APLF: variants seen among roughly 807,000 people sequenced by gnomAD.
The protein encoded by APLF is aprataxin and PNKP like factor, also known as aprataxin and PNK-like factor.
APLF carries 61 observed loss-of-function variants against 55.6 expected under a neutral mutation model. The observed-to-expected ratio is 1.10, with a 90% CI of 0.89 to 1.36. The LOEUF (loss-of-function observed/expected upper bound fraction) is 1.36, where lower values mean the gene tolerates loss of function less well. Among genes scored for constraint, APLF ranks in the 40% most tolerant of loss-of-function variants. The pLI, the probability that APLF is intolerant of heterozygous loss-of-function variation, is 0.00. For synonymous variants in APLF, 207 were observed against 214.8 expected (o/e 0.96, Z 0.32); for missense variants, 611 against 602.5 (o/e 1.01, Z -0.15).
chr2:68,479,185 A>G (rs752868203), intron 1 of APLF, among the ~76,000 whole-genome samples: 7 of 152,194 alleles, frequency 4.6e-5, no homozygotes, highest in Non-Finnish European at 8.8e-5. Context: ...ACAGTACTCT[A>G]TGGAAAAGAT....
chr2:68,565,156 A>T (rs781113423), intron 8 of APLF, among the ~76,000 whole-genome samples: 1 of 152,136 alleles, frequency 6.6e-6, no homozygotes, highest in Admixed American at 6.6e-5. Context: ...AAGTAACACT[A>T]GTTAAAACCT....
chr2:68,564,447 GA>G (rs1167451514), intron 8 of APLF, among the ~76,000 whole-genome samples: 1 of 152,092 alleles, frequency 6.6e-6, no homozygotes, highest in Non-Finnish European at 1.5e-5. Flanking sequence ...TTACCAGAAA[GA>G]AGAGAGATTA....
chr2:68,524,722 G>A (rs1669982988), intron 5 of APLF, among the ~76,000 whole-genome samples: 1 of 152,144 alleles, frequency 6.6e-6, no homozygotes, highest in African/African-American at 2.4e-5. Flanking sequence ...ACTTCATTTA[G>A]TCAGAAATAT....
chr2:68,551,116 A>G (rs547684046), intron 8 of APLF, among the ~76,000 whole-genome samples: 1 of 152,218 alleles, frequency 6.6e-6, no homozygotes, highest in Admixed American at 6.5e-5. Context: ...TGTTTTCACT[A>G]GGTATGTAAT....
At chr2:68,540,743 C>A (rs1469048583) in intron 7 of APLF, among the ~76,000 whole-genome samples, 4 of 151,782 alleles carry the variant, frequency 2.6e-5, no homozygotes, top group Non-Finnish European at 5.9e-5. Context: ...CAGTCTTTAT[C>A]AGAATCCCAA....
intron 6 of APLF, among the ~76,000 whole-genome samples, chr2:68,526,834 C>T (rs1670071910): frequency 6.6e-6 from 1 of 152,228 alleles, no homozygotes. Context: ...ACTACAGGCA[C>T]AAGCTACCAT....
intron 2 of APLF, among the ~76,000 whole-genome samples, chr2:68,492,730 T>G (rs1676411429): frequency 6.6e-6 from 1 of 152,182 alleles, no homozygotes; most frequent in African/African-American, 2.4e-5. Flanking sequence ...ACAGGTGTCT[T>G]TTGAGCACAA....
chr2:68,497,798 G>A (rs967290557), intron 2 of APLF, among the ~76,000 whole-genome samples: 3 of 151,850 alleles, frequency 2.0e-5, no homozygotes, highest in African/African-American at 7.3e-5. Context: ...ATGAGATTTG[G>A]GCAGTGACAA....
At chr2:68,504,391 G>A (rs191345514) in intron 3 of APLF, among the ~76,000 whole-genome samples, 184 of 151,894 alleles carry the variant, frequency 1.2e-3, no homozygotes, top group Non-Finnish European at 2.2e-3. Context: ...TCATAATAAA[G>A]TATTTACAAA....
At chr2:68,492,313 C>T (rs10167373) in intron 2 of APLF, among the ~76,000 whole-genome samples, 12,122 of 151,988 alleles carry the variant, frequency 0.08, 526 homozygotes, top group Middle Eastern at 0.12. Context: ...GCCGTCTCTA[C>T]TAAAAATACA....
At chr2:68,497,539 C>CA (rs958793036) in intron 2 of APLF, among the ~76,000 whole-genome samples, 51 of 152,084 alleles carry the variant, frequency 3.4e-4, no homozygotes, top group Non-Finnish European at 5.1e-4. Flanking sequence ...CCTCCCCAGC[C>CA]ATGCTGTCTG....
rs181504375 is a variant in APLF at position 68,529,166 on chromosome 2, G to T, written c.804+2924G>T. 2.3e-6 allele frequency: 3 copies of T among 1,299,008 alleles called. No individual in the cohort carries two copies. The highest frequency in any genetic ancestry group is 1.4e-5 in the South Asian group (1 of 71,706). 80.5% of individuals were successfully genotyped at this position (1,299,008 alleles called of 1,614,324 possible). A position where few individuals can be genotyped will look rare whatever the true frequency, so the allele number is the denominator to read the frequency against. On this transcript the variant is annotated intron_variant, in intron 6 of 9. Coordinates refer to ENST00000303795, the MANE Select transcript of APLF (RefSeq NM_173545.3). This position sits in a 1 kb window ranked among gnomAD's most constrained non-coding sequence, Gnocchi z 4.4. ...AGACAGCACGGGTTTCTTCCTTGAG[G>T]GGGGGCTCCAGACAACAGGAGGCAG...
At chr2:68,481,262 T>G (rs1019122630) in intron 1 of APLF, among the ~76,000 whole-genome samples, 11 of 152,328 alleles carry the variant, frequency 7.2e-5, no homozygotes, top group African/African-American at 2.4e-4. Flanking sequence ...GTATTTCTTG[T>G]AGGGCTTGTT....
chr2:68,488,044 G>A (rs1255485062), intron 1 of APLF, among the ~76,000 whole-genome samples: 4 of 151,986 alleles, frequency 2.6e-5, no homozygotes, highest in Non-Finnish European at 5.9e-5. Flanking sequence ...GACAGAGATA[G>A]GAAAAGTTCA....
At chr2:68,502,100 C>T (rs943144749) in intron 2 of APLF, among the ~76,000 whole-genome samples, 2 of 152,038 alleles carry the variant, frequency 1.3e-5, no homozygotes. Context: ...AAGTTGCTCC[C>T]GAGATAATGA....
At chr2:68,539,173 G>A (rs755400017) in intron 7 of APLF, among the ~76,000 whole-genome samples, 12 of 152,136 alleles carry the variant, frequency 7.9e-5, no homozygotes, top group Non-Finnish European at 1.8e-4. Context: ...TATATGCAAT[G>A]GCTTTAGTTC....
rs962213673 is a variant in APLF at position 68,578,888 on chromosome 2, C to T, written c.*866C>T. 3.6e-5 allele frequency: 35 copies of T among 985,134 alleles called. No homozygotes were observed. Among genetic ancestry groups the T allele is most frequent in the African/African-American group, 3.5e-4 (20 of 57,198 alleles). 61.0% of individuals were successfully genotyped at this position (985,134 alleles called of 1,614,324 possible). On this transcript the variant is annotated 3_prime_UTR_variant, in exon 10 of 10. Transcript: ENST00000303795. ...TTGAAAGTTCAAGATTCTGGCCTCC[C>T]ATATCAAGAAGAAACCACTTATTCT...
intron 5 of APLF, among the ~76,000 whole-genome samples, chr2:68,515,291 TAATATA>T (rs1438506413): frequency 9.4e-6 from 1 of 106,076 alleles, no homozygotes; most frequent in Non-Finnish European, 1.9e-5. Context: ...ACTTCATGTG[TAATATA>T]TATATATATA....
chr2:68,529,252 C>T lies in APLF; in HGVS notation c.804+3010C>T. 7.8e-7 allele frequency: 1 copy of T among 1,289,184 alleles called. No homozygotes were observed. Among genetic ancestry groups the T allele is most frequent in the Non-Finnish European group, 1.0e-6 (1 of 972,204 alleles). The allele number at this position is 1,289,184 out of a possible 1,614,324, so 79.9% of individuals were successfully genotyped here. Reference sequence around the variant, plus strand: ...GACACAGCCTCATAAGGGTGCCGTCCCACCTGCCTGGAAAAGAAGGCCCAA... The same window carrying T: ...GACACAGCCTCATAAGGGTGCCGTCTCACCTGCCTGGAAAAGAAGGCCCAA... On this transcript the variant is annotated intron_variant, in intron 6 of 9. Transcript: ENST00000303795. The surrounding 1 kb of genome is among the most constrained non-coding windows in gnomAD (Gnocchi z 4.4).
Sources: gnomAD v4.1 joint callset for allele counts (sites outside exome capture counted in the v4.1 genomes callset) on GRCh38, gnomAD v4.1.1 for gene constraint, Gnocchi (gnomAD v3.1) non-coding constraint, MANE v1.5 for transcripts, NCBI Gene and HGNC (gene_info 2026-07-23, HGNC 2026-07-21) for gene names.